The following NCAM2 variants were observed in gnomAD, a reference collection of about 807,000 sequenced individuals.
The protein encoded by NCAM2 is neural cell adhesion molecule 2, also known as N-CAM-2.
In NCAM2, 30 loss-of-function variants were observed where a neutral mutation model predicts 98.1. The ratio of observed to expected loss-of-function variants is 0.31; its 90% CI spans 0.23 to 0.41. The LOEUF is 0.41. Among genes scored for constraint, NCAM2 ranks in the 10% least tolerant of loss-of-function variants. NCAM2 has a pLI of 1.00. For missense variants in NCAM2, 867 were observed against 1,005.8 expected (o/e 0.86, Z 1.87); for synonymous variants, 368 against 342.4 (o/e 1.07, Z -0.83).
At chr21:21,115,271 A>C (rs2066531343) in intron 1 of NCAM2, among the ~76,000 whole-genome samples, 1 of 152,182 alleles carries the variant, frequency 6.6e-6, no homozygotes, top group African/African-American at 2.4e-5. Context: ...AGCTTTATCC[A>C]GCCTCTCCTT....
intron 9 of NCAM2, among the ~76,000 whole-genome samples, chr21:21,397,449 AG>A (rs1209889809): frequency 1.3e-5 from 2 of 152,064 alleles, no homozygotes; most frequent in African/African-American, 2.4e-5. Context: ...CTATGCTCCT[AG>A]GTGCCCAATG....
intron 2 of NCAM2, among the ~76,000 whole-genome samples, chr21:21,283,756 G>A (rs995574204): frequency 6.6e-6 from 1 of 151,888 alleles, no homozygotes; most frequent in African/African-American, 2.4e-5. Flanking sequence ...AGAGATTTAA[G>A]TGCTATCTCC....
chr21:21,308,091 A>G (rs2073940017), intron 5 of NCAM2, among the ~76,000 whole-genome samples: 2 of 151,900 alleles, frequency 1.3e-5, no homozygotes, highest in African/African-American at 4.8e-5. Flanking sequence ...ACACACGTAC[A>G]CACACTATGT....
rs922348050 is a variant in NCAM2, at chr21:21,196,393, C to G, written c.56-84185C>G. Among the ~76,000 whole-genome samples the G allele has an allele frequency of 1.1e-4, 16 of 152,310 alleles. No individual in the cohort carries two copies. The East Asian group carries it at 2.7e-3, about 26-fold the overall frequency. ...CAGCTTCCTATGAGGATTGCTGAAC[C>G]TGTTGGGCCTTCATTTTACATCACA... is the stretch of plus-strand genomic sequence containing the variant. On this transcript the variant is annotated intron_variant, in intron 1 of 17. Coordinates refer to ENST00000400546, the MANE Select transcript of NCAM2 (RefSeq NM_004540.5).
chr21:21,081,083 G>T (rs1055947168), intron 1 of NCAM2, among the ~76,000 whole-genome samples: 1 of 152,126 alleles, frequency 6.6e-6, no homozygotes, highest in African/African-American at 2.4e-5. Flanking sequence ...TTCCATTGGG[G>T]TGGGCTGTCC....
At chr21:21,330,471 A>C (rs2074642263) in intron 6 of NCAM2, among the ~76,000 whole-genome samples, 1 of 152,062 alleles carries the variant, frequency 6.6e-6, no homozygotes, top group Non-Finnish European at 1.5e-5. Flanking sequence ...TTTTAACTAA[A>C]TTCTATACTT....
At chr21:21,280,454 A>G in intron 1 of NCAM2, 124 bp from the exon 2 acceptor site, 1 of 606,156 alleles carries the variant, frequency 1.6e-6, no homozygotes. Context: ...ATTTTTCTTT[A>G]TAGGTAATAA....
intron 1 of NCAM2, among the ~76,000 whole-genome samples, chr21:21,175,300 C>T (rs755822404): frequency 9.9e-5 from 15 of 151,936 alleles, no homozygotes; most frequent in South Asian, 4.2e-4. Flanking sequence ...TTTGGGAGGC[C>T]GAGCCAGGAA....
chr21:21,138,217 G>A (rs920272237), intron 1 of NCAM2, among the ~76,000 whole-genome samples: 1 of 152,126 alleles, frequency 6.6e-6, no homozygotes, highest in Non-Finnish European at 1.5e-5. Context: ...TTGTAAGGCT[G>A]AAGGTGGAAG....
intron 8 of NCAM2, among the ~76,000 whole-genome samples, chr21:21,370,751 T>C (rs1438283590): frequency 2.0e-5 from 3 of 151,842 alleles, no homozygotes; most frequent in African/African-American, 7.2e-5. Context: ...AGTTATTGAA[T>C]ATTTTTCAAT....
At chr21:21,015,102 G>GTGCT (rs2064281841) in intron 1 of NCAM2, among the ~76,000 whole-genome samples, 1 of 152,206 alleles carries the variant, frequency 6.6e-6, no homozygotes, top group Non-Finnish European at 1.5e-5. Flanking sequence ...AGCAAGGAAA[G>GTGCT]TGATTTCTTG....
chr21:21,503,504 C>G (rs1354250268), intron 15 of NCAM2, among the ~76,000 whole-genome samples: 1 of 151,816 alleles, frequency 6.6e-6, no homozygotes, highest in Non-Finnish European at 1.5e-5. Flanking sequence ...TATTTCATCG[C>G]ACTACTCAGA....
chr21:21,220,714 G>A (rs1479632548), intron 1 of NCAM2, among the ~76,000 whole-genome samples: 4 of 151,706 alleles, frequency 2.6e-5, no homozygotes, highest in African/African-American at 4.8e-5. Flanking sequence ...ATAATTTAAT[G>A]TGCCCATGAA....
At chr21:21,221,175 C>G (rs1859771037) in intron 1 of NCAM2, among the ~76,000 whole-genome samples, 1 of 152,096 alleles carries the variant, frequency 6.6e-6, no homozygotes, top group Admixed American at 6.6e-5. Flanking sequence ...TTGTGTGTTC[C>G]TACTGTTTCA....
chr21:21,390,596 C>T (rs1479610989), intron 9 of NCAM2, among the ~76,000 whole-genome samples: 3 of 151,900 alleles, frequency 2.0e-5, no homozygotes, highest in African/African-American at 4.8e-5. Context: ...TAGTGAACAT[C>T]GTTTTAAAAA....
At chr21:21,085,592 G>C (rs562164929) in intron 1 of NCAM2, among the ~76,000 whole-genome samples, 2 of 152,064 alleles carry the variant, frequency 1.3e-5, no homozygotes, top group Non-Finnish European at 2.9e-5. Flanking sequence ...TCTAGCTGTC[G>C]TGGTTGGAGA....
At chr21:21,013,514 G>A (rs905458241) in intron 1 of NCAM2, among the ~76,000 whole-genome samples, 11 of 152,170 alleles carry the variant, frequency 7.2e-5, no homozygotes, top group African/African-American at 2.4e-4. Context: ...GGACGTGGTG[G>A]CTCACACCTG....
At chr21:21,134,809 G>A (rs2067009408) in intron 1 of NCAM2, among the ~76,000 whole-genome samples, 1 of 151,176 alleles carries the variant, frequency 6.6e-6, no homozygotes, top group Non-Finnish European at 1.5e-5. Flanking sequence ...AAGCTCCTGG[G>A]CTCAAGGGAT....
chr21:21,097,526 C>T (rs1006841187), intron 1 of NCAM2, among the ~76,000 whole-genome samples: 1 of 151,440 alleles, frequency 6.6e-6, no homozygotes, highest in Non-Finnish European at 1.5e-5. Context: ...TATATGCTTA[C>T]TATTTTAAAT....
Sources: gnomAD v4.1 joint callset for allele counts (sites outside exome capture counted in the v4.1 genomes callset) on GRCh38, gnomAD v4.1.1 for gene constraint, MANE v1.5 for transcripts, NCBI Gene and HGNC (gene_info 2026-07-23, HGNC 2026-07-21) for gene names.